HNRNPL: variants seen among roughly 807,000 people sequenced by gnomAD.
HNRNPL encodes heterogeneous nuclear ribonucleoprotein L.
HNRNPL carries 12 observed loss-of-function variants against 64.0 expected under a neutral mutation model. That is an observed-to-expected ratio of 0.19 (90% CI 0.12 to 0.30). The LOEUF (loss-of-function observed/expected upper bound fraction) is 0.30. Among genes scored for constraint, HNRNPL ranks in the 10% least tolerant of loss-of-function variants. The pLI is 1.00. For missense variants in HNRNPL, 484 were observed against 797.4 expected (o/e 0.61, Z 4.73); for synonymous variants, 385 against 313.0 (o/e 1.23, Z -2.43).
chr19:38,839,323 C>T lies in HNRNPL; in HGVS notation c.1234-308G>A, dbSNP rs75120679. The T allele has an allele frequency of 4.7e-3, 1,612 of 342,256 alleles. 20 individuals carry two copies. Among genetic ancestry groups the T allele is most frequent in the African/African-American group, 0.032 (1,502 of 47,414 alleles). 21.2% of individuals were successfully genotyped at this position (342,256 alleles called of 1,614,324 possible). ...CACCATTTTGTCTGTTACACACAGACGTGTGTGATCTATGGATGGCTGTGT... is the reference window on the plus strand; with the variant it reads ...CACCATTTTGTCTGTTACACACAGATGTGTGTGATCTATGGATGGCTGTGT... On this transcript the variant is annotated intron_variant, in intron 8 of 12. Coordinates refer to ENST00000221419, the MANE Select transcript of HNRNPL (RefSeq NM_001533.3).
At chr19:38,842,815 C>A (rs1972160168) in intron 6 of HNRNPL, among the ~76,000 whole-genome samples, 1 of 152,186 alleles carries the variant, frequency 6.6e-6, no homozygotes, top group Admixed American at 6.5e-5. Flanking sequence ...AGCCCCCTGC[C>A]ACTAGCCCCT....
At chr19:38,844,221 T>C in intron 4 of HNRNPL, 117 bp from the exon 5 acceptor site, 1 of 686,148 alleles carries the variant, frequency 1.5e-6, no homozygotes, top group Non-Finnish European at 2.6e-6. Flanking sequence ...ACGGAAGCTT[T>C]GGGATTAGCT....
chr19:38,849,885 GCCT>G lies in HNRNPL; in HGVS notation c.79_81del (p.Arg28del). The G allele has an allele frequency of 8.1e-7, 1 of 1,228,680 alleles. No homozygotes were observed. The highest frequency in any genetic ancestry group is 1.1e-6 in the Non-Finnish European group (1 of 869,814). 76.1% of individuals were successfully genotyped at this position (1,228,680 alleles called of 1,614,324 possible). ...GCCATCTTCACCATCGCTCCCGACCGCCTCCGCTGCTCGTCCGGCTGCTGCCTC... is the reference window on the plus strand; with the variant it reads ...GCCATCTTCACCATCGCTCCCGACCGCCGCTGCTCGTCCGGCTGCTGCCTC... On this transcript the variant is annotated inframe_deletion, in exon 1 of 13. Coordinates refer to ENST00000221419, the MANE Select transcript of HNRNPL (RefSeq NM_001533.3).
In HNRNPL at chr19:38,838,583, T is replaced by A. The variant is rs141474374; in HGVS notation, c.1371A>T (p.Pro457=). The change falls in exon 10 of 13, where the codon CCA becomes CCT. Residue 457 remains proline (P), a synonymous_variant. Coordinates refer to ENST00000221419, the MANE Select transcript of HNRNPL (RefSeq NM_001533.3). ...CGTATGACTGACCAGGCATGATGGC[T>A]GGCTGCTTGGAGACACTGCAGCAAG... ...QKLNVCVSKQ[P]AIMPGQSYGL... The A allele has an allele frequency of 2.4e-5, 38 of 1,613,920 alleles. No homozygotes were observed. In the African/African-American group the frequency reaches 5.1e-4, roughly 22 times the overall value.
intron 7 of HNRNPL, 22 bp from the exon 8 acceptor site, chr19:38,840,398 G>C: frequency 6.4e-7 from 1 of 1,566,982 alleles, no homozygotes; most frequent in Non-Finnish European, 8.7e-7. Context: ...GAAGGAAAGA[G>C]AGGGAGGACG....
rs1292737036 is a variant in HNRNPL at position 38,837,370 on chromosome 19, A to G, written c.1711+14T>C. ...GTCACCAGGTTGATGCCTGCAGGAC[A>G]CACAGATACTCACTTGGGTTTTTCA... On this transcript the variant is annotated intron_variant, in intron 12 of 12. Transcript: ENST00000221419. 1 of 1,604,576 alleles carries G rather than the reference A, an allele frequency of 6.2e-7. No individual in the cohort carries two copies. Among genetic ancestry groups the G allele is most frequent in the Admixed American group, 1.7e-5 (1 of 60,020 alleles).
chr19:38,837,057 G>T (rs1487838385), intron 12 of HNRNPL: 2 of 541,774 alleles, frequency 3.7e-6, no homozygotes, highest in East Asian at 6.1e-5. Context: ...AGTTTTACCT[G>T]CTGGATAGTG....
At chr19:38,837,922 CTGTT>C (rs1224946513) in intron 10 of HNRNPL, among the ~76,000 whole-genome samples, 1 of 152,234 alleles carries the variant, frequency 6.6e-6, no homozygotes, top group Non-Finnish European at 1.5e-5. Flanking sequence ...TTGCTGAACA[CTGTT>C]TGCTGAATGC....
intron 12 of HNRNPL, 108 bp downstream of exon 12, chr19:38,837,276 C>G: frequency 1.2e-6 from 1 of 833,984 alleles, no homozygotes; most frequent in Non-Finnish European, 2.0e-6. Flanking sequence ...ACCAACAGTG[C>G]GAAGATCCCG....
intron 1 of HNRNPL, 116 bp downstream of exon 1, chr19:38,849,584 C>G: frequency 2.4e-6 from 3 of 1,250,344 alleles, no homozygotes; most frequent in Non-Finnish European, 3.0e-6. Flanking sequence ...ACACCGTCAA[C>G]GACGCGATGG....
Position 38,840,147 on chromosome 19 carries a change from C to G in HNRNPL, c.1182G>C (p.Met394Ile), listed in dbSNP as rs746816260. The G allele has an allele frequency of 6.5e-7, 1 of 1,539,568 alleles. No homozygotes were observed. Among genetic ancestry groups the G allele is most frequent in the East Asian group, 2.6e-5 (1 of 39,132 alleles). Residue 394 changes from methionine to isoleucine, a missense_variant, in exon 8 of 13, where the codon ATG (methionine) becomes ATC (isoleucine). Physicochemically the swap from Met to Ile is conservative, Grantham distance 10. This residue lies in a region of HNRNPL where 25 missense variants were observed against 67.0 expected (regional missense o/e 0.37). Coordinates refer to ENST00000221419, the MANE Select transcript of HNRNPL (RefSeq NM_001533.3). ...LMVYGLDQSK[M>I]NCDRVFNVFC... ...AGACATTGAAGACTCGGTCACAGTT[C>G]ATCTTAGATTGATCCAAGCCATAGA...
rs777234145 is a variant in HNRNPL, at chr19:38,849,937, C to T, written c.30G>A (p.Glu10=). MSRRLLPRA[E]KRRRRLEQRQ... is the part of the protein sequence containing the mutation. ...TCTGCTCCAGCCGCCGACGCCGCTT[C>T]TCCGCCCGGGGCAGCAGCCTCCGCG... Residue 10 remains glutamate, a synonymous_variant, in exon 1 of 13, where the codon GAG becomes GAA. Transcript: ENST00000221419. 1.2e-4 allele frequency: 170 copies of T among 1,378,604 alleles called. No homozygotes were observed. The highest frequency in any genetic ancestry group is 2.5e-4 in the Middle Eastern group (1 of 3,992). The allele number at this position is 1,378,604 out of a possible 1,614,324, so 85.4% of individuals were successfully genotyped here. A position where few individuals can be genotyped will look rare whatever the true frequency, so the allele number is the denominator to read the frequency against.
intron 8 of HNRNPL, 153 bp from the exon 9 acceptor site, chr19:38,839,168 A>C (rs905344804): frequency 1.1e-6 from 1 of 883,808 alleles, no homozygotes; most frequent in Non-Finnish European, 1.7e-6. Flanking sequence ...GCCCACACCA[A>C]GTGCTCAACC....
chr19:38,843,767 C>T (rs1043532464), intron 6 of HNRNPL, 75 bp downstream of exon 6: 14 of 1,262,434 alleles, frequency 1.1e-5, no homozygotes, highest in East Asian at 2.3e-5. Flanking sequence ...TAACCCTGAG[C>T]CCAGGCCTAT....
intron 4 of HNRNPL, 174 bp downstream of exon 4, chr19:38,845,476 A>C (rs1331952396): frequency 8.0e-6 from 5 of 628,706 alleles, no homozygotes; most frequent in African/African-American, 1.8e-5. Context: ...CGTCCACACG[A>C]TATGCCTGGT....
Position 38,845,961 on chromosome 19 carries a change from G to A in HNRNPL, c.516C>T (p.Asn172=). ...GGGAGATCTTCTGGCTGGTAGAGTA[G>A]TTGACAAAAGCTGGGTGACCAGCAA... ...IYIAGHPAFV[N]YSTSQKISRP... is the part of the protein sequence containing the mutation. Residue 172 remains asparagine (N), a synonymous_variant, in exon 3 of 13, where the codon AAC becomes AAT. Transcript: ENST00000221419. 6.2e-7 allele frequency: 1 copy of A among 1,614,216 alleles called. No homozygotes were observed. The highest frequency in any genetic ancestry group is 1.3e-5 in the African/African-American group (1 of 75,050).
At chr19:38,840,625 G>T in intron 6 of HNRNPL, 66 bp from the exon 7 acceptor site, 1 of 1,282,072 alleles carries the variant, frequency 7.8e-7, no homozygotes. Flanking sequence ...CCTCCTGACT[G>T]CACAGGCTGA....
At chr19:38,851,780 G>A (rs1297828079), upstream of HNRNPL, among the ~76,000 whole-genome samples, 1 of 152,164 alleles carries the variant, frequency 6.6e-6, no homozygotes, top group Non-Finnish European at 1.5e-5. Context: ...TGGGGTTTAT[G>A]GCAATACAAG....
At position 38,843,635 on chromosome 19, in the gene HNRNPL, A is replaced by G. The variant is rs973434129; in HGVS notation, c.880+207T>C. 12 of 584,458 alleles carry G rather than the reference A, an allele frequency of 2.1e-5. No homozygotes were observed. In the African/African-American group the frequency reaches 2.2e-4, roughly 11 times the overall value. The allele number at this position is 584,458 out of a possible 1,614,324, so 36.2% of individuals were successfully genotyped here. A position where few individuals can be genotyped will look rare whatever the true frequency, so the allele number is the denominator to read the frequency against. ...GCCTTGCCTCTGTATCCTGAGCAGC[A>G]TCGGAGGGCCCCAAGCAGCAGTGAA... On this transcript the variant is annotated intron_variant, in intron 6 of 12. Transcript: ENST00000221419.
Sources: allele counts gnomAD v4.1 joint callset (sites outside exome capture counted in the v4.1 genomes callset), GRCh38; gene constraint gnomAD v4.1.1; regional missense constraint gnomAD v4.1.1; transcripts MANE v1.5; gene names NCBI Gene and HGNC (gene_info 2026-07-23, HGNC 2026-07-21).